CADM2: variants seen among roughly 807,000 people sequenced by gnomAD.
The protein encoded by CADM2 is cell adhesion molecule 2.
A neutral mutation model predicts 49.8 loss-of-function variants in CADM2; 12 were observed. That is an observed-to-expected ratio of 0.24 (90% CI 0.15 to 0.39). The LOEUF is 0.39. CADM2 is among the 10% of genes least tolerant of loss of function. CADM2 has a pLI of 1.00. For synonymous variants in CADM2, 214 were observed against 175.4 expected, an observed-to-expected ratio of 1.22 and a Z score of -1.74; for missense variants, 378 against 492.3, an observed-to-expected ratio of 0.77 and a Z score of 2.20.
intron 1 of CADM2, among the ~76,000 whole-genome samples, chr3:85,518,562 C>T (rs1239740157): frequency 6.6e-6 from 1 of 151,998 alleles, no homozygotes; most frequent in Non-Finnish European, 1.5e-5. Context: ...AGCTGGAAGT[C>T]TGAAATTAGT....
chr3:85,773,904 A>T (rs1314778431), intron 2 of CADM2, among the ~76,000 whole-genome samples: 1 of 152,024 alleles, frequency 6.6e-6, no homozygotes, highest in African/African-American at 2.4e-5. Context: ...AATAGACAAA[A>T]TTTTAATATC....
chr3:85,443,553 G>T (rs539790850), intron 1 of CADM2, among the ~76,000 whole-genome samples: 2 of 152,110 alleles, frequency 1.3e-5, no homozygotes, highest in East Asian at 1.9e-4. Context: ...CTTTTGTCAA[G>T]ATCACCAGTG....
intron 1 of CADM2, among the ~76,000 whole-genome samples, chr3:85,381,648 T>C (rs1320607048): frequency 6.6e-6 from 1 of 151,534 alleles, no homozygotes; most frequent in Non-Finnish European, 1.5e-5. Flanking sequence ...TGCAGCAAGA[T>C]ATGATTATAA....
At chr3:85,181,639 C>T (rs1333172203) in intron 1 of CADM2, among the ~76,000 whole-genome samples, 1 of 151,868 alleles carries the variant, frequency 6.6e-6, no homozygotes, top group African/African-American at 2.4e-5. Flanking sequence ...TTAGTGCAGG[C>T]TCACTGAGGT....
chr3:85,722,239 C>T (rs2067529005), intron 1 of CADM2, among the ~76,000 whole-genome samples: 2 of 151,556 alleles, frequency 1.3e-5, no homozygotes, highest in Non-Finnish European at 2.9e-5. Context: ...GTCTGCTACT[C>T]TTAGCAGAGA....
intron 3 of CADM2, among the ~76,000 whole-genome samples, chr3:85,818,281 ACT>A (rs2073340788): frequency 1.3e-5 from 2 of 151,892 alleles, no homozygotes; most frequent in Admixed American, 1.3e-4. Context: ...TCCTTTCCTG[ACT>A]CTGTTACTTT....
At chr3:86,024,676 A>G (rs1733660225) in intron 8 of CADM2, among the ~76,000 whole-genome samples, 1 of 152,146 alleles carries the variant, frequency 6.6e-6, no homozygotes, top group African/African-American at 2.4e-5. Flanking sequence ...CAAAACTTTT[A>G]TCACATTGTG....
intron 1 of CADM2, among the ~76,000 whole-genome samples, chr3:85,147,011 G>A (rs1207195681): frequency 6.6e-6 from 1 of 151,996 alleles, no homozygotes; most frequent in Non-Finnish European, 1.5e-5. Context: ...AGTGGCTCAC[G>A]CCTGTAACCC....
At chr3:85,353,579 C>A (rs9841728) in intron 1 of CADM2, among the ~76,000 whole-genome samples, 143 of 142,554 alleles carry the variant, frequency 1.0e-3, no homozygotes, top group African/African-American at 3.5e-3. Flanking sequence ...GTTATTTTAT[C>A]AAAGTGAATC....
Position 86,067,035 on chromosome 3 carries a change from G to T in CADM2, c.*252G>T, listed in dbSNP as rs1739411419. The T allele has an allele frequency of 1.1e-5, 5 of 439,512 alleles. No individual in the cohort carries two copies. Among genetic ancestry groups the T allele is most frequent in the Non-Finnish European group, 2.1e-5 (5 of 242,766 alleles). The allele number at this position is 439,512 out of a possible 1,614,324, so 27.2% of individuals were successfully genotyped here. ...ATTGCTCTTTTAACATACAGTGCTT[G>T]AATATACAGCCTTAACAATGTTAAT... On this transcript the variant is annotated 3_prime_UTR_variant, in exon 10 of 10. Transcript: ENST00000383699.
chr3:85,888,944 A>T (rs778043044), intron 5 of CADM2, among the ~76,000 whole-genome samples: 1 of 152,150 alleles, frequency 6.6e-6, no homozygotes, highest in Admixed American at 6.5e-5. Context: ...ATCACTTGAC[A>T]CGTTTTAAAA....
intron 1 of CADM2, among the ~76,000 whole-genome samples, chr3:85,515,610 A>AATAT (rs200627018): frequency 5.3e-5 from 6 of 113,308 alleles, no homozygotes; most frequent in African/African-American, 1.3e-4. Flanking sequence ...CACGCCCACT[A>AATAT]ATATATATAT....
At chr3:85,016,470 C>T (rs73139674) in intron 1 of CADM2, among the ~76,000 whole-genome samples, 13,725 of 152,164 alleles carry the variant, frequency 0.09, 844 homozygotes, top group Non-Finnish European at 0.14. Flanking sequence ...ATTTTAACTA[C>T]AAATAAATAA....
Position 84,959,251 on chromosome 3 carries a change from C to T in CADM2, c.-357C>T. 1 of 405,676 alleles carries T rather than the reference C, an allele frequency of 2.5e-6. No individual in the cohort carries two copies. The highest frequency in any genetic ancestry group is 4.5e-6 in the Non-Finnish European group (1 of 222,080). 25.1% of individuals were successfully genotyped at this position (405,676 alleles called of 1,614,324 possible). A position where few individuals can be genotyped will look rare whatever the true frequency, so the allele number is the denominator to read the frequency against. On this transcript the variant is annotated 5_prime_UTR_variant, in exon 1 of 10. Coordinates refer to ENST00000383699, the MANE Select transcript of CADM2 (RefSeq NM_001167675.2). ...CTCGCCCGCACCTTCTCCAACACCC[C>T]GGCATCCCTGCACCACCTGCTCGGG...
At chr3:85,875,879 A>C (rs1248520544) in intron 3 of CADM2, among the ~76,000 whole-genome samples, 4 of 152,184 alleles carry the variant, frequency 2.6e-5, no homozygotes, top group Non-Finnish European at 5.9e-5. Flanking sequence ...AAAATTCAAT[A>C]CTGGATCAAA....
At chr3:85,091,809 C>T (rs2037607886) in intron 1 of CADM2, among the ~76,000 whole-genome samples, 1 of 152,050 alleles carries the variant, frequency 6.6e-6, no homozygotes, top group Non-Finnish European at 1.5e-5. Flanking sequence ...TAACCCATTT[C>T]TAAAATTTTT....
At chr3:85,657,971 C>T (rs368760565) in intron 1 of CADM2, among the ~76,000 whole-genome samples, 1 of 151,904 alleles carries the variant, frequency 6.6e-6, no homozygotes. Flanking sequence ...TTGTATATCT[C>T]TAATTTGTAT....
At chr3:85,377,610 T>G (rs1015090185) in intron 1 of CADM2, among the ~76,000 whole-genome samples, 9 of 152,100 alleles carry the variant, frequency 5.9e-5, no homozygotes, top group Admixed American at 2.0e-4. Context: ...TAATACAGCT[T>G]ATGAAGAAAT....
intron 1 of CADM2, among the ~76,000 whole-genome samples, chr3:85,475,174 A>T (rs1431150499): frequency 6.6e-6 from 1 of 151,958 alleles, no homozygotes; most frequent in African/African-American, 2.4e-5. Flanking sequence ...GATTATTTTT[A>T]CTTGACTTTA....
Sources: allele counts gnomAD v4.1 joint callset (sites outside exome capture counted in the v4.1 genomes callset), GRCh38; gene constraint gnomAD v4.1.1; transcripts MANE v1.5; gene names NCBI Gene and HGNC (gene_info 2026-07-23, HGNC 2026-07-21).